Variants in ITPK1 observed in about 807,000 individuals in gnomAD.
ITPK1 encodes inositol 1,3,4-trisphosphate 5/6-kinase.
Under a neutral mutation model 45.3 loss-of-function variants are expected in ITPK1, and 21 were observed. The observed-to-expected ratio is 0.46, with a 90% CI of 0.33 to 0.67. The LOEUF is 0.67. Among genes scored for constraint, ITPK1 ranks in the 30% least tolerant of loss-of-function variants. ITPK1 has a pLI of 0.02. For synonymous variants in ITPK1, 258 were observed against 253.6 expected (o/e 1.02, Z -0.16); for missense variants, 474 against 573.5 (o/e 0.83, Z 1.77).
chr14:93,107,874 G>T (rs1235923526), intron 2 of ITPK1, among the ~76,000 whole-genome samples: 1 of 152,206 alleles, frequency 6.6e-6, no homozygotes, highest in Non-Finnish European at 1.5e-5. Context: ...TTCTGAGCAG[G>T]CTCAGAGCAG....
chr14:92,989,880 G>C (rs1373777089), intron 5 of ITPK1, among the ~76,000 whole-genome samples: 1 of 152,118 alleles, frequency 6.6e-6, no homozygotes, highest in East Asian at 1.9e-4. Flanking sequence ...TGGCATGCTG[G>C]GGTGGGTCAT....
intron 4 of ITPK1, among the ~76,000 whole-genome samples, chr14:92,999,415 A>AG (rs1238619289): frequency 5.3e-5 from 8 of 152,238 alleles, no homozygotes; most frequent in Non-Finnish European, 8.8e-5. Context: ...CTCAGGACCC[A>AG]GGGGCTGAAA....
intron 5 of ITPK1, among the ~76,000 whole-genome samples, chr14:92,982,392 G>A (rs3825683): frequency 0.22 from 33,873 of 152,038 alleles, 4,290 homozygotes; most frequent in African/African-American, 0.33. Flanking sequence ...CAAAGCACAA[G>A]GAGACTGGCC....
chr14:93,107,526 T>C (rs920532344), intron 2 of ITPK1, among the ~76,000 whole-genome samples: 2 of 152,046 alleles, frequency 1.3e-5, no homozygotes, highest in Non-Finnish European at 2.9e-5. Flanking sequence ...GGCCTGTGGG[T>C]CCCGATTCAC....
intron 1 of ITPK1, 105 bp from the exon 2 acceptor site, chr14:93,115,410 G>A: frequency 6.6e-6 from 1 of 150,496 alleles, no homozygotes; most frequent in Non-Finnish European, 1.5e-5. Context: ...CACCGCCCAC[G>A]CCCCCGCCGC....
chr14:93,002,069 C>T (rs1425079156), intron 4 of ITPK1, among the ~76,000 whole-genome samples: 1 of 152,168 alleles, frequency 6.6e-6, no homozygotes, highest in African/African-American at 2.4e-5. Flanking sequence ...AGAAACTAGG[C>T]CTGGCCAGGT....
intron 8 of ITPK1, among the ~76,000 whole-genome samples, chr14:92,957,968 G>C (rs1329328233): frequency 6.6e-6 from 1 of 152,174 alleles, no homozygotes; most frequent in East Asian, 1.9e-4. Flanking sequence ...TGGAGTCTAC[G>C]GTGGTTCAGG....
intron 3 of ITPK1, among the ~76,000 whole-genome samples, chr14:93,018,762 C>T (rs541458517): frequency 2.0e-5 from 3 of 152,110 alleles, no homozygotes; most frequent in East Asian, 3.9e-4. Flanking sequence ...GCCCAGGGGC[C>T]GGGGAAGACG....
chr14:93,055,448 C>G (rs991532935), intron 3 of ITPK1, among the ~76,000 whole-genome samples: 3 of 152,168 alleles, frequency 2.0e-5, no homozygotes, highest in East Asian at 1.9e-4. Context: ...CCCCCTCCCC[C>G]ACCTCACTCG....
chr14:93,023,888 C>G (rs1888595059), intron 3 of ITPK1, among the ~76,000 whole-genome samples: 1 of 152,134 alleles, frequency 6.6e-6, no homozygotes, highest in South Asian at 2.1e-4. Flanking sequence ...GTCCCTCGAT[C>G]CCGTGCATCT....
intron 3 of ITPK1, among the ~76,000 whole-genome samples, chr14:93,037,204 G>C (rs1279194720): frequency 6.6e-6 from 1 of 152,200 alleles, no homozygotes; most frequent in Non-Finnish European, 1.5e-5. Context: ...CGGGACAATG[G>C]CATCTCCATG....
At chr14:92,975,175 T>C (rs904477398) in intron 5 of ITPK1, among the ~76,000 whole-genome samples, 1 of 152,228 alleles carries the variant, frequency 6.6e-6, no homozygotes, top group African/African-American at 2.4e-5. Context: ...CCAGACTCCT[T>C]GCCAGCCTTG....
intron 4 of ITPK1, among the ~76,000 whole-genome samples, chr14:93,002,627 G>T (rs868842269): frequency 2.0e-5 from 3 of 152,204 alleles, no homozygotes; most frequent in Non-Finnish European, 4.4e-5. Context: ...GGGAGGCCGG[G>T]TGTGTTCCAT....
Position 93,032,785 on chromosome 14 carries a change from G to A in ITPK1, c.121-15984C>T, listed in dbSNP as rs562264156. ...ACCCTGGTGAGTTGCTGGGACTCAC[G>A]AAGGGGCCATCGCACTCTGCAGACT... On this transcript the variant is annotated intron_variant, in intron 3 of 10. Coordinates refer to ENST00000267615, the MANE Select transcript of ITPK1 (RefSeq NM_014216.6). This position sits in a 1 kb window ranked among gnomAD's most constrained non-coding sequence, Gnocchi z 4.0. Among the ~76,000 whole-genome samples, 9 of 152,322 alleles carry A rather than the reference G, an allele frequency of 5.9e-5. No individual in the cohort carries two copies. The highest frequency in any genetic ancestry group is 3.9e-4 in the East Asian group (2 of 5,182).
chr14:93,078,800 C>T (rs546145094), intron 2 of ITPK1, among the ~76,000 whole-genome samples: 2 of 152,216 alleles, frequency 1.3e-5, no homozygotes, highest in East Asian at 1.9e-4. Flanking sequence ...CCCGCAGGGA[C>T]GAGAAAACTG....
chr14:93,027,573 C>T (rs1310233467), intron 3 of ITPK1, among the ~76,000 whole-genome samples: 1 of 152,166 alleles, frequency 6.6e-6, no homozygotes, highest in Non-Finnish European at 1.5e-5. Flanking sequence ...GGCTAGACAA[C>T]TGGAGAACCA....
chr14:93,085,356 C>A (rs911879755), intron 2 of ITPK1, among the ~76,000 whole-genome samples: 55 of 152,262 alleles, frequency 3.6e-4, no homozygotes, highest in African/African-American at 1.2e-3. Context: ...TGAAGACCCT[C>A]CCCCCGACCG....
chr14:93,017,438 C>T (rs1395022511), intron 3 of ITPK1, among the ~76,000 whole-genome samples: 2 of 152,234 alleles, frequency 1.3e-5, no homozygotes, highest in African/African-American at 2.4e-5. Flanking sequence ...TCCTGCTATG[C>T]CAGGGAAGGT....
intron 3 of ITPK1, among the ~76,000 whole-genome samples, chr14:93,029,230 C>T (rs1461404149): frequency 6.6e-6 from 1 of 152,164 alleles, no homozygotes; most frequent in Admixed American, 6.5e-5. Flanking sequence ...TGAGAGTAAG[C>T]GGCAGGCCCA....
Sources: gnomAD v4.1 joint callset for allele counts (sites outside exome capture counted in the v4.1 genomes callset) on GRCh38, gnomAD v4.1.1 for gene constraint, Gnocchi (gnomAD v3.1) non-coding constraint, MANE v1.5 for transcripts, NCBI Gene and HGNC (gene_info 2026-07-23, HGNC 2026-07-21) for gene names.